B4GALNT4: variants seen among roughly 807,000 people sequenced by gnomAD.
The protein encoded by B4GALNT4 is N-acetyl-beta-glucosaminyl-glycoprotein 4-beta-N-acetylgalactosaminyltransferase 1.
In B4GALNT4, 77 loss-of-function variants were observed where a neutral mutation model predicts 110.0. The observed-to-expected ratio is 0.70, with a 90% CI of 0.58 to 0.85. The LOEUF is 0.85. B4GALNT4 is among the 40% of genes least tolerant of loss of function. B4GALNT4 has a pLI of 0.00. For synonymous variants in B4GALNT4, 785 were observed against 655.5 expected (o/e 1.20, Z -3.02); for missense variants, 1,575 against 1,506.0 (o/e 1.05, Z -0.76).
chr11:376,185 G>T lies in B4GALNT4; in HGVS notation c.1196+11G>T, dbSNP rs1239302802. On this transcript the variant is annotated intron_variant, in intron 12 of 19. Transcript: ENST00000329962. Reference sequence around the variant, plus strand: ...GCTGTATCTGGAGAGGTGGGCGCGCGGCCGGGCTAATGCGGGGCGGGGTGG... The same window carrying T: ...GCTGTATCTGGAGAGGTGGGCGCGCTGCCGGGCTAATGCGGGGCGGGGTGG... 5 of 1,607,500 alleles carry T rather than the reference G, an allele frequency of 3.1e-6. No homozygotes were observed. In the African/African-American group the frequency reaches 6.7e-5, roughly 22 times the overall value.
intron 18 of B4GALNT4, 57 bp from the exon 19 acceptor site, chr11:380,768 G>A (rs1027934780): frequency 1.6e-5 from 25 of 1,584,048 alleles, no homozygotes; most frequent in Admixed American, 6.9e-5. Flanking sequence ...GCGCTTTGCC[G>A]GGGGGACCTT....
chr11:380,265 G>A (rs1418809152), intron 17 of B4GALNT4, 27 bp from the exon 18 acceptor site: 2 of 1,610,224 alleles, frequency 1.2e-6, no homozygotes, highest in South Asian at 1.1e-5. Context: ...AGCGGAGGGC[G>A]GGGCTCAGAC....
Position 381,778 on chromosome 11 carries a change from A to G in B4GALNT4, c.3106A>G (p.Thr1036Ala). 1 of 1,581,666 alleles carries G rather than the reference A, an allele frequency of 6.3e-7. No individual in the cohort carries two copies. The highest frequency in any genetic ancestry group is 8.6e-7 in the Non-Finnish European group (1 of 1,167,422). ...CGTCCGCAGCAGGAAGGGCTCTCGC[A>G]CGGGGGCGTCTTGAGGACGGGCAGC... ...WSVRSRKGSR[T>A]GAS Residue 1036 changes from threonine (T) to alanine (A), a missense_variant, in exon 20 of 20, where the codon ACG (threonine) becomes GCG (alanine). Physicochemically the swap from Thr to Ala is moderately conservative, Grantham distance 58. Coordinates refer to ENST00000329962, the MANE Select transcript of B4GALNT4 (RefSeq NM_178537.5).
chr11:376,479 G>A lies in B4GALNT4; in HGVS notation c.1356G>A (p.Ala452=), dbSNP rs937480608. ...ELLDSLEPTE[A]APPRSGPQSP... ...TCGACAGCCTGGAGCCCACCGAGGC[G>A]GCCCCGCCCAGGAGCGGCCCCCAGT... The change falls in exon 14 of 20, where the codon GCG becomes GCA. Residue 452 remains alanine (A), a synonymous_variant. Coordinates refer to ENST00000329962, the MANE Select transcript of B4GALNT4 (RefSeq NM_178537.5). 6 of 1,589,332 alleles carry A rather than the reference G, an allele frequency of 3.8e-6. No homozygotes were observed. The highest frequency in any genetic ancestry group is 1.1e-5 in the South Asian group (1 of 90,262).
chr11:375,963 GCGGCTGGAGACCCCGTCTCCCGTC>G lies in B4GALNT4; in HGVS notation c.1095+11_1095+34del. 1 of 1,610,704 alleles carries G rather than the reference GCGGCTGGAGACCCCGTCTCCCGTC, an allele frequency of 6.2e-7. No homozygotes were observed. Reference sequence around the variant, plus strand: ...ATACCAGGGCCTGCAATTTGTGAGTGCGGCTGGAGACCCCGTCTCCCGTCCGGGACTCCGCGGAGCCTTCTCCAG... The same window carrying G: ...ATACCAGGGCCTGCAATTTGTGAGTGCGGGACTCCGCGGAGCCTTCTCCAG... On this transcript the variant is annotated splice_region_variant and intron_variant, in intron 11 of 19. Transcript: ENST00000329962.
At position 373,250 on chromosome 11, in the gene B4GALNT4, G is replaced by A. The variant is rs1329726258; in HGVS notation, c.595G>A (p.Glu199Lys). The A allele has an allele frequency of 5.0e-6, 8 of 1,611,928 alleles. No homozygotes were observed. Among genetic ancestry groups the A allele is most frequent in the Non-Finnish European group, 6.8e-6 (8 of 1,179,372 alleles). Residue 199 changes from glutamate to lysine, a missense_variant, in exon 6 of 20, where the codon GAG (glutamate) becomes AAG (lysine). Glu to Lys is a moderately conservative substitution (Grantham distance 56). Transcript: ENST00000329962. The stretch of plus-strand genomic sequence containing the variant: ...CTCGGAGTTCTGGCTGAGTCTGGAC[G>A]AGAGCCCTGCTGCTGCCCAGCTTGT... ...DNSEFWLSLD[E>K]SPAAAQLVAF...
intron 14 of B4GALNT4, among the ~76,000 whole-genome samples, chr11:377,803 A>G (rs890769326): frequency 6.6e-6 from 1 of 152,184 alleles, no homozygotes; most frequent in Non-Finnish European, 1.5e-5. Flanking sequence ...CCGACTGCAG[A>G]GGAAGGTGCA....
At chr11:373,973 C>T in intron 8 of B4GALNT4, 145 bp downstream of exon 8, 3 of 761,250 alleles carry the variant, frequency 3.9e-6, no homozygotes, top group Non-Finnish European at 6.3e-6. Context: ...TCTGCTCTGC[C>T]CTCCTGGGGG....
rs746059282 is a variant in B4GALNT4 at position 379,601 on chromosome 11, C to T, written c.2388C>T (p.Pro796=). ...VGDADGESPE[P]APAASVRPDG... ...ATGCAGACGGAGAAAGTCCCGAACC[C>T]GCTCCCGCCGCCTCCGTGCGCCCCG... The change falls in exon 15 of 20, where the codon CCC becomes CCT. Residue 796 remains proline (P), a synonymous_variant. Transcript: ENST00000329962. The T allele has an allele frequency of 2.6e-6, 4 of 1,557,004 alleles. No individual in the cohort carries two copies. In the African/African-American group the frequency reaches 4.1e-5, roughly 16 times the overall value.
rs368169108 is a variant in B4GALNT4, at chr11:376,067, C to T, written c.1096-7C>T. The T allele has an allele frequency of 6.2e-7, 1 of 1,608,288 alleles. No individual in the cohort carries two copies. Among genetic ancestry groups the T allele is most frequent in the Non-Finnish European group, 8.5e-7 (1 of 1,176,360 alleles). On this transcript the variant is annotated splice_region_variant and splice_polypyrimidine_tract_variant and intron_variant, in intron 11 of 19. Transcript: ENST00000329962. ...CGCCCTGAGCCCTGCGCCCCCCCACCCCCCAGGTGTACCTGTCCTTCGTTT... is the reference window on the plus strand; with the variant it reads ...CGCCCTGAGCCCTGCGCCCCCCCACTCCCCAGGTGTACCTGTCCTTCGTTT...
rs1342484362 is a variant in B4GALNT4, at chr11:376,304, A to G, written c.1250A>G (p.Glu417Gly). ...GACAAGGAGGAGGGGGATGAGGATG[A>G]AGAAGACGAGGTGCAGCGCCGAGCC... is the stretch of plus-strand genomic sequence containing the variant. ...KMDKEEGDED[E>G]EDEVQRRAFL... The change falls in exon 13 of 20, where the codon GAA (glutamate) becomes GGA (glycine). Residue 417 changes from glutamate to glycine, a missense_variant. Physicochemically the swap from Glu to Gly is moderately conservative, Grantham distance 98. Coordinates refer to ENST00000329962, the MANE Select transcript of B4GALNT4 (RefSeq NM_178537.5). 1 of 1,610,324 alleles carries G rather than the reference A, an allele frequency of 6.2e-7. No individual in the cohort carries two copies. The highest frequency in any genetic ancestry group is 8.5e-7 in the Non-Finnish European group (1 of 1,178,594).
chr11:372,769 C>A lies in B4GALNT4; in HGVS notation c.348+15C>A, dbSNP rs1289266089. 1 of 1,496,184 alleles carries A rather than the reference C, an allele frequency of 6.7e-7. No individual in the cohort carries two copies. Among genetic ancestry groups the A allele is most frequent in the Non-Finnish European group, 9.0e-7 (1 of 1,108,930 alleles). 92.7% of individuals were successfully genotyped at this position (1,496,184 alleles called of 1,614,324 possible). On this transcript the variant is annotated intron_variant, in intron 3 of 19. Coordinates refer to ENST00000329962, the MANE Select transcript of B4GALNT4 (RefSeq NM_178537.5). Reference sequence around the variant, plus strand: ...GGCGGGAGGAGGTGAGCTGGCTCGGCCTGTAATGGGCTGGGAGGCAGGGCG... The same window carrying A: ...GGCGGGAGGAGGTGAGCTGGCTCGGACTGTAATGGGCTGGGAGGCAGGGCG...
Position 379,677 on chromosome 11 carries a change from G to A in B4GALNT4, c.2464G>A (p.Val822Met), listed in dbSNP as rs926021053. 2.0e-6 allele frequency: 3 copies of A among 1,502,610 alleles called. No homozygotes were observed. Among genetic ancestry groups the A allele is most frequent in the Admixed American group, 2.3e-5 (1 of 42,810 alleles). The allele number at this position is 1,502,610 out of a possible 1,614,324, so 93.1% of individuals were successfully genotyped here. A position where few individuals can be genotyped will look rare whatever the true frequency, so the allele number is the denominator to read the frequency against. The change falls in exon 15 of 20, where the codon GTG becomes ATG. Residue 822 changes from valine to methionine, a missense_variant. Val to Met is a conservative substitution (Grantham distance 21). Transcript: ENST00000329962. ...RPLRLAWRQD[V>M]MVHFIVPVKN... Reference sequence around the variant, plus strand: ...ACTGCGCCTGGCCTGGCGCCAGGACGTGATGGTTCACTTCATCGTGCCAGG... The same window carrying A: ...ACTGCGCCTGGCCTGGCGCCAGGACATGATGGTTCACTTCATCGTGCCAGG...
chr11:381,859 T>G lies in B4GALNT4; in HGVS notation c.*67T>G. On this transcript the variant is annotated 3_prime_UTR_variant, in exon 20 of 20. Coordinates refer to ENST00000329962, the MANE Select transcript of B4GALNT4 (RefSeq NM_178537.5). ...AGCTGCTGGGGGCTGGGCTTTGAGC[T>G]CGGTCCCGAGAGACCCGGCAGGGCT... is the stretch of plus-strand genomic sequence containing the variant. 6.8e-7 allele frequency: 1 copy of G among 1,469,758 alleles called. No homozygotes were observed. Among genetic ancestry groups the G allele is most frequent in the Non-Finnish European group, 9.0e-7 (1 of 1,109,678 alleles). 91.0% of individuals were successfully genotyped at this position (1,469,758 alleles called of 1,614,324 possible).
rs1000436225 is a variant in B4GALNT4 at position 371,929 on chromosome 11, G to C, written c.152-180G>C. ...GGGTGTAGAAGAAGTTGCCTTGCTG[G>C]GGGGAGGGGCATCTGGTGGCAGAGG... is the stretch of plus-strand genomic sequence containing the variant. On this transcript the variant is annotated intron_variant, in intron 1 of 19. Coordinates refer to ENST00000329962, the MANE Select transcript of B4GALNT4 (RefSeq NM_178537.5). 2.6e-5 allele frequency among the ~76,000 whole-genome samples: 4 copies of C among 152,200 alleles called. No individual in the cohort carries two copies. The South Asian group carries it at 8.3e-4, about 32-fold the overall frequency.
At position 376,443 on chromosome 11, in the gene B4GALNT4, G is replaced by T. The variant is rs754714873; in HGVS notation, c.1320G>T (p.Glu440Asp). 2 of 1,596,484 alleles carry T rather than the reference G, an allele frequency of 1.3e-6. No individual in the cohort carries two copies. Among genetic ancestry groups the T allele is most frequent in the Middle Eastern group, 1.7e-4 (1 of 6,014 alleles). Residue 440 changes from glutamate to aspartate, a missense_variant, in exon 14 of 20, where the codon GAG (glutamate) becomes GAT (aspartate). By Grantham distance (45) the Glu-to-Asp change is conservative (BLOSUM62 2). Coordinates refer to ENST00000329962, the MANE Select transcript of B4GALNT4 (RefSeq NM_178537.5). Reference sequence around the variant, plus strand: ...CAGACTTCCTGGACGACGAGGACGAGGGGGAGCTGCTCGACAGCCTGGAGC... The same window carrying T: ...CAGACTTCCTGGACGACGAGGACGATGGGGAGCTGCTCGACAGCCTGGAGC... ...NPDDFLDDED[E>D]GELLDSLEPT...
rs1846836528 is a variant in B4GALNT4 at position 379,855 on chromosome 11, T to C, written c.2489-11T>C. The stretch of plus-strand genomic sequence containing the variant: ...GTCGGCTCAGCGCCCCCCCCGCCTT[T>C]TCTCCTCCAGTGAAAAACCAGGCAC... On this transcript the variant is annotated splice_polypyrimidine_tract_variant and intron_variant, in intron 15 of 19. Transcript: ENST00000329962. 1 of 1,581,800 alleles carries C rather than the reference T, an allele frequency of 6.3e-7. No individual in the cohort carries two copies. The highest frequency in any genetic ancestry group is 1.1e-5 in the South Asian group (1 of 88,334).
intron 2 of B4GALNT4, among the ~76,000 whole-genome samples, 200 bp downstream of exon 2, chr11:372,412 C>T (rs1407633053): frequency 6.6e-6 from 1 of 152,078 alleles, no homozygotes; most frequent in African/African-American, 2.4e-5. Context: ...CTGGGGGCTG[C>T]AGCAGGTGCA....
Position 373,432 on chromosome 11 carries a change from G to T in B4GALNT4, c.637-17G>T. 9.3e-7 allele frequency: 1 copy of T among 1,070,504 alleles called. No homozygotes were observed. The highest frequency in any genetic ancestry group is 2.4e-4 in the Middle Eastern group (1 of 4,154). 66.3% of individuals were successfully genotyped at this position (1,070,504 alleles called of 1,614,324 possible). The stretch of plus-strand genomic sequence containing the variant: ...AACCCCCCCCCCCACCACCACCCCT[G>T]CTCTATCACCCCCCAGACTGGCTCC... On this transcript the variant is annotated splice_polypyrimidine_tract_variant and intron_variant, in intron 6 of 19. Coordinates refer to ENST00000329962, the MANE Select transcript of B4GALNT4 (RefSeq NM_178537.5).
Sources: gnomAD v4.1 joint callset for allele counts (sites outside exome capture counted in the v4.1 genomes callset) on GRCh38, gnomAD v4.1.1 for gene constraint, MANE v1.5 for transcripts, NCBI Gene and HGNC (gene_info 2026-07-23, HGNC 2026-07-21) for gene names.